Variants in MLLT3 observed in about 807,000 individuals in gnomAD.
MLLT3 encodes the protein MLLT3 super elongation complex subunit.
In MLLT3, 4 loss-of-function variants were observed where a neutral mutation model predicts 53.2. The observed-to-expected ratio is 0.08, with a 90% confidence interval of 0.04 to 0.17. The LOEUF (loss-of-function observed/expected upper bound fraction) is 0.17, where lower values mean the gene tolerates loss of function less well. Among genes scored for constraint, MLLT3 ranks in the 10% least tolerant of loss-of-function variants. The probability of loss-of-function intolerance (pLI) is 1.00; values close to 1 mark genes in which losing one functional copy is unlikely to be tolerated. For missense variants in MLLT3, 569 were observed against 684.0 expected (o/e 0.83, Z 1.87); for synonymous variants, 283 against 230.6 (o/e 1.23, Z -2.06).
At chr9:20,503,190 AC>A (rs766770448) in intron 2 of MLLT3, among the ~76,000 whole-genome samples, 1 of 152,210 alleles carries the variant, frequency 6.6e-6, no homozygotes, top group Non-Finnish European at 1.5e-5. Context: ...AATAGAAAAA[AC>A]AATCCTAAAA....
At chr9:20,362,758 A>G (rs1392547612) in intron 7 of MLLT3, 2 of 135,626 alleles carry the variant, frequency 1.5e-5, no homozygotes, top group African/African-American at 6.0e-5. Flanking sequence ...ATAGTAATGG[A>G]TAACAGGGAA....
At chr9:20,587,988 G>A (rs1259000485) in intron 2 of MLLT3, among the ~76,000 whole-genome samples, 2 of 149,892 alleles carry the variant, frequency 1.3e-5, no homozygotes, top group Non-Finnish European at 3.0e-5. Flanking sequence ...TAACATTTAA[G>A]TCTTTAATCC....
intron 2 of MLLT3, among the ~76,000 whole-genome samples, chr9:20,559,665 CT>C (rs1287452439): frequency 2.0e-5 from 3 of 152,182 alleles, no homozygotes; most frequent in Admixed American, 6.5e-5. Flanking sequence ...ACATGGCATC[CT>C]TTAATTTGAG....
rs369956456 is a variant in MLLT3, at chr9:20,353,607, A to G, written c.1504-11T>C. The G allele has an allele frequency of 1.9e-6, 3 of 1,611,766 alleles. No individual in the cohort carries two copies. Among genetic ancestry groups the G allele is most frequent in the African/African-American group, 2.7e-5 (2 of 74,898 alleles). On this transcript the variant is annotated splice_polypyrimidine_tract_variant and intron_variant, in intron 9 of 10. Coordinates refer to ENST00000380338, the MANE Select transcript of MLLT3 (RefSeq NM_004529.4). ...TTCATCTAGGTATGCCTGAAAGAGA[A>G]GAATGTCCCCGAAAAGGACAAGCAC...
chr9:20,383,732 A>C (rs1006808818), intron 5 of MLLT3, among the ~76,000 whole-genome samples: 1 of 151,888 alleles, frequency 6.6e-6, no homozygotes, highest in Admixed American at 6.6e-5. Context: ...TCCCTGAAAA[A>C]CACTTGACAC....
intron 6 of MLLT3, among the ~76,000 whole-genome samples, chr9:20,365,119 T>C (rs1325769041): frequency 6.6e-6 from 1 of 152,210 alleles, no homozygotes; most frequent in East Asian, 1.9e-4. Context: ...GGGAACTCCC[T>C]GGGATGGGCT....
Position 20,465,482 on chromosome 9 carries a change from C to T in MLLT3, c.194-8696G>A, listed in dbSNP as rs575374708. 2.6e-4 allele frequency among the ~76,000 whole-genome samples: 29 copies of T among 111,414 alleles called. No individual in the cohort carries two copies. The South Asian group carries it at 9.4e-3, about 36-fold the overall frequency. 73.1% of individuals were successfully genotyped at this position (111,414 alleles called of 152,430 possible). On this transcript the variant is annotated intron_variant, in intron 2 of 10. Transcript: ENST00000380338. The stretch of plus-strand genomic sequence containing the variant: ...CAGAGGACAACAAAATTGTGTTACA[C>T]ACAACAGTTATCAATTGCATAGGGT...
Position 20,535,993 on chromosome 9 carries a change from G to C in MLLT3, c.194-79207C>G, listed in dbSNP as rs377471554. ...ACCTCCTGTACTTATTAAATATAAA[G>C]TAGCTTTTAAAAGTCCATCACAGGT... On this transcript the variant is annotated intron_variant, in intron 2 of 10. Coordinates refer to ENST00000380338, the MANE Select transcript of MLLT3 (RefSeq NM_004529.4). 7.0e-4 allele frequency among the ~76,000 whole-genome samples: 106 copies of C among 152,046 alleles called. 4 individuals are homozygous for C. The South Asian group carries it at 0.021, about 31-fold the overall frequency.
intron 2 of MLLT3, among the ~76,000 whole-genome samples, chr9:20,582,268 T>A (rs1488935991): frequency 6.6e-6 from 1 of 152,192 alleles, no homozygotes; most frequent in Non-Finnish European, 1.5e-5. Flanking sequence ...TAGGGTTTTC[T>A]CTCTCTGTTG....
intron 2 of MLLT3, among the ~76,000 whole-genome samples, chr9:20,577,319 G>T (rs553627352): frequency 6.6e-6 from 1 of 152,106 alleles, no homozygotes; most frequent in African/African-American, 2.4e-5. Context: ...ATATATTCAC[G>T]TGGAGTTAGG....
chr9:20,518,375 G>C (rs533463494), intron 2 of MLLT3, among the ~76,000 whole-genome samples: 4 of 151,876 alleles, frequency 2.6e-5, no homozygotes, highest in Admixed American at 1.3e-4. Context: ...AACAAAAAAA[G>C]GCAACTTTTC....
intron 5 of MLLT3, among the ~76,000 whole-genome samples, chr9:20,370,064 T>C (rs566995564): frequency 2.0e-4 from 31 of 152,348 alleles, no homozygotes; most frequent in Admixed American, 3.9e-4. Context: ...TCTAACCACA[T>C]GCTTACCTGA....
intron 4 of MLLT3, among the ~76,000 whole-genome samples, chr9:20,447,226 T>A (rs1586955711): frequency 6.6e-6 from 1 of 152,280 alleles, no homozygotes; most frequent in African/African-American, 2.4e-5. Context: ...GTAGAGTTTA[T>A]CAGTGATATA....
chr9:20,521,167 T>C (rs1289873510), intron 2 of MLLT3, among the ~76,000 whole-genome samples: 2 of 151,532 alleles, frequency 1.3e-5, no homozygotes, highest in Admixed American at 6.6e-5. Context: ...ACCTCCTGAG[T>C]TCAAGCGATT....
chr9:20,533,000 C>A, intron 2 of MLLT3: 1 of 258,446 alleles, frequency 3.9e-6, no homozygotes, highest in Non-Finnish European at 7.5e-6. Context: ...TGGTGGAGAA[C>A]AAAAAGGCTC....
At chr9:20,372,034 T>G (rs1249458786) in intron 5 of MLLT3, among the ~76,000 whole-genome samples, 1 of 152,156 alleles carries the variant, frequency 6.6e-6, no homozygotes, top group Non-Finnish European at 1.5e-5. Flanking sequence ...GTGGAGGAAG[T>G]CACTGCAGAT....
At chr9:20,454,695 G>A (rs1823917476) in intron 3 of MLLT3, among the ~76,000 whole-genome samples, 1 of 152,156 alleles carries the variant, frequency 6.6e-6, no homozygotes, top group Admixed American at 6.5e-5. Flanking sequence ...CTGGCTATGA[G>A]GATGTGACAA....
At chr9:20,420,427 C>A (rs945784370) in intron 4 of MLLT3, among the ~76,000 whole-genome samples, 1 of 151,910 alleles carries the variant, frequency 6.6e-6, no homozygotes, top group South Asian at 2.1e-4. Context: ...CAGCTAAATG[C>A]CCCCAAAAGA....
At chr9:20,561,512 G>A (rs1305270529) in intron 2 of MLLT3, among the ~76,000 whole-genome samples, 1 of 152,052 alleles carries the variant, frequency 6.6e-6, no homozygotes, top group Non-Finnish European at 1.5e-5. Context: ...CGTCCTTATA[G>A]CAAAAGACAA....
Sources: allele counts gnomAD v4.1 joint callset (sites outside exome capture counted in the v4.1 genomes callset), GRCh38; gene constraint gnomAD v4.1.1; transcripts MANE v1.5; gene names NCBI Gene and HGNC (gene_info 2026-07-23, HGNC 2026-07-21).